Variants in PRAMEF19 observed in about 807,000 individuals in gnomAD.
PRAMEF19 encodes the protein PRAME family member-like.
Under a neutral mutation model 33.1 loss-of-function variants are expected in PRAMEF19, and 21 were observed. The ratio of observed to expected loss-of-function variants is 0.63; its 90% confidence interval spans 0.45 to 0.91. The LOEUF is 0.91. Among genes scored for constraint, PRAMEF19 ranks in the 40% least tolerant of loss-of-function variants. The pLI is 0.00. For missense variants in PRAMEF19, 481 were observed against 585.2 expected (o/e 0.82, Z 1.84); for synonymous variants, 179 against 229.3 (o/e 0.78, Z 1.98).
chr1:13,370,624 G>T, intron 2 of PRAMEF19, 25 bp downstream of exon 2: 1 of 1,613,444 alleles, frequency 6.2e-7, no homozygotes, highest in African/African-American at 1.3e-5. Flanking sequence ...GTGTCCCCCA[G>T]AGAAAGCTCA....
exon 3 of PRAMEF19, chr1:13,369,592 T>C (rs1420473845): frequency 1.9e-6 from 3 of 1,613,814 alleles, no homozygotes; most frequent in African/African-American, 2.7e-5. Context: ...CCTCTTCATC[T>C]AGGGAGCCAT....
chr1:13,370,743 C>T, exon 2 of PRAMEF19: 1 of 1,613,958 alleles, frequency 6.2e-7, no homozygotes, highest in Non-Finnish European at 8.5e-7. Flanking sequence ...GAGCTGAATT[C>T]AGCAACTAAC....
downstream of PRAMEF19, among the ~76,000 whole-genome samples, chr1:13,368,720 A>G (rs1308042179): frequency 3.3e-5 from 5 of 151,996 alleles, no homozygotes; most frequent in African/African-American, 9.7e-5. Context: ...ACTCCATTCA[A>G]CCTTTTCCCC....
chr1:13,369,126 C>G, exon 3 of PRAMEF19: 3 of 1,611,936 alleles, frequency 1.9e-6, no homozygotes, highest in Non-Finnish European at 2.5e-6. Context: ...GGTGACATGC[C>G]ACAGCAAGGG....
intron 1 of PRAMEF19, 66 bp downstream of exon 1, chr1:13,371,548 C>A: frequency 6.2e-7 from 1 of 1,609,352 alleles, no homozygotes; most frequent in South Asian, 1.1e-5. Flanking sequence ...CCCCAGGTTC[C>A]CAATTTGTCT....
exon 1 of PRAMEF19, chr1:13,371,780 C>A: frequency 1.2e-6 from 2 of 1,611,528 alleles, no homozygotes; most frequent in East Asian, 2.2e-5. Flanking sequence ...AAGGCCTCCA[C>A]GAACAGTCGG....
At position 13,371,881 on chromosome 1, in the gene PRAMEF19, C is replaced by T. The variant is rs1434982408; in HGVS notation, c.20G>A (p.Arg7His). The stretch of plus-strand genomic sequence containing the variant: ...CTGCCCTGCCAGCTCCAGGAGTCTG[C>T]GTGGGGCCTGGAAGCTCATCCTGAT... Residue 7 changes from arginine to histidine, a missense_variant, in exon 1 of 3, where the codon CGC becomes CAC. This residue lies in a region of PRAMEF19 where 77 missense variants were observed against 116.4 expected (regional missense o/e 0.66). Coordinates refer to ENST00000376101, the Ensembl canonical transcript of PRAMEF19. 1.3e-3 allele frequency: 2,016 copies of T among 1,611,888 alleles called. 19 individuals carry two copies. The African/African-American group carries it at 0.023, about 19-fold the overall frequency.
chr1:13,369,415 G>C, exon 3 of PRAMEF19: 1 of 1,613,206 alleles, frequency 6.2e-7, no homozygotes, highest in Non-Finnish European at 8.5e-7. Flanking sequence ...CCCTGAGTTT[G>C]GAGTCCCCAA....
exon 3 of PRAMEF19, chr1:13,369,613 C>A: frequency 6.2e-7 from 1 of 1,613,902 alleles, no homozygotes; most frequent in Admixed American, 1.7e-5. Flanking sequence ...AAGTTAATGC[C>A]AATGTCTCCA....
At position 13,370,994 on chromosome 1, in the gene PRAMEF19, C is replaced by T. The variant is rs1328689328; in HGVS notation, c.521G>A (p.Arg174Lys). The T allele has an allele frequency of 4.0e-4, 639 of 1,612,116 alleles. 3 individuals carry two copies. In the African/African-American group the frequency reaches 7.3e-3, roughly 18 times the overall value. The change falls in exon 2 of 3, where the codon AGA (arginine) becomes AAA (lysine). Residue 174 changes from arginine (R) to lysine (K), a missense_variant. This residue lies in a region of PRAMEF19 where 392 missense variants were observed against 397.5 expected (regional missense o/e 0.99). Coordinates refer to ENST00000376101, the Ensembl canonical transcript of PRAMEF19. ...ACAGCACAGGTGTACTGAACGTCTT[C>T]TGTGCTGCACCCACCCAGAGAAGAA... is the stretch of plus-strand genomic sequence containing the variant.
chr1:13,369,598 G>A (rs1373286670), exon 3 of PRAMEF19: 1 of 1,613,854 alleles, frequency 6.2e-7, no homozygotes, highest in African/African-American at 1.3e-5. Flanking sequence ...CATCTAGGGA[G>A]CCATAAGTTA....
intron 2 of PRAMEF19, among the ~76,000 whole-genome samples, chr1:13,370,035 C>T (rs1640651818): frequency 6.6e-6 from 1 of 152,186 alleles, no homozygotes; most frequent in Admixed American, 6.5e-5. Context: ...ATCTGCAAAC[C>T]ACCTGTCACT....
exon 3 of PRAMEF19, chr1:13,369,240 C>T: frequency 2.5e-6 from 4 of 1,612,008 alleles, no homozygotes; most frequent in South Asian, 1.1e-5. Flanking sequence ...ATGACACGAC[C>T]CCTGTTGTCA....
chr1:13,370,175 C>T (rs1640653264), intron 2 of PRAMEF19, among the ~76,000 whole-genome samples: 1 of 152,254 alleles, frequency 6.6e-6, no homozygotes, highest in Non-Finnish European at 1.5e-5. Context: ...CATTCACGTT[C>T]ACTAAGCTGT....
chr1:13,369,329 C>A, exon 3 of PRAMEF19: 1 of 1,611,786 alleles, frequency 6.2e-7, no homozygotes, highest in Non-Finnish European at 8.5e-7. Flanking sequence ...GTCCTTCAGA[C>A]CATCCATGGA....
downstream of PRAMEF19, among the ~76,000 whole-genome samples, chr1:13,368,857 T>A (rs1640632293): frequency 6.6e-6 from 1 of 152,142 alleles, no homozygotes; most frequent in African/African-American, 2.4e-5. Context: ...CTTATGCCTG[T>A]AATCCCAGAA....
chr1:13,369,341 G>C (rs768226541), exon 3 of PRAMEF19: 61 of 1,611,978 alleles, frequency 3.8e-5, no homozygotes, highest in Non-Finnish European at 4.9e-5. Flanking sequence ...ATCCATGGAC[G>C]TGTCATTGCC....
chr1:13,368,759 G>GT (rs1233157752), downstream of PRAMEF19, among the ~76,000 whole-genome samples: 105 of 151,830 alleles, frequency 6.9e-4, no homozygotes, highest in African/African-American at 1.0e-3. Flanking sequence ...GTTTTTTTGT[G>GT]TTTTTTTTCC....
intron 2 of PRAMEF19, among the ~76,000 whole-genome samples, chr1:13,369,853 T>C (rs1230864288): frequency 3.3e-5 from 5 of 151,306 alleles, no homozygotes; most frequent in Non-Finnish European, 1.5e-5. Flanking sequence ...ACTGGTGTGA[T>C]TGGTTCAAGG....
Sources: gnomAD v4.1 joint callset for allele counts (sites outside exome capture counted in the v4.1 genomes callset) on GRCh38, gnomAD v4.1.1 for gene constraint, gnomAD v4.1.1 regional missense constraint, MANE v1.5 for transcripts, NCBI Gene and HGNC (gene_info 2026-07-23, HGNC 2026-07-21) for gene names.